Variants in LTBP3 observed in about 807,000 individuals in gnomAD.
LTBP3 encodes the protein latent-transforming growth factor beta-binding protein 3.
Under a neutral mutation model 159.7 loss-of-function variants are expected in LTBP3, and 97 were observed. That is an observed-to-expected ratio of 0.61 (90% CI 0.52 to 0.72). The LOEUF (loss-of-function observed/expected upper bound fraction) is 0.72, where lower values mean the gene tolerates loss of function less well. LTBP3 is among the 30% of genes least tolerant of loss of function. The probability of loss-of-function intolerance (pLI) is 0.00; values close to 1 mark genes in which losing one functional copy is unlikely to be tolerated. For synonymous variants in LTBP3, 824 were observed against 777.1 expected, an observed-to-expected ratio of 1.06 and a Z score of -1.00; for missense variants, 1,584 against 1,864.3, an observed-to-expected ratio of 0.85 and a Z score of 2.77.
At position 65,538,960 on chromosome 11, in the gene LTBP3, G is replaced by A; in HGVS notation, c.*120C>T. 1 of 1,314,714 alleles carries A rather than the reference G, an allele frequency of 7.6e-7. No individual in the cohort carries two copies. The highest frequency in any genetic ancestry group is 9.7e-7 in the Non-Finnish European group (1 of 1,033,110). 81.4% of individuals were successfully genotyped at this position (1,314,714 alleles called of 1,614,324 possible). A position where few individuals can be genotyped will look rare whatever the true frequency, so the allele number is the denominator to read the frequency against. On this transcript the variant is annotated 3_prime_UTR_variant, in exon 28 of 28. Transcript: ENST00000301873. Reference sequence around the variant, plus strand: ...CGCCTCGGGTCTCAAGGCGCCGGGAGGGTCTGCGGGCCCTGAAGGTCCCTG... The same window carrying A: ...CGCCTCGGGTCTCAAGGCGCCGGGAAGGTCTGCGGGCCCTGAAGGTCCCTG...
At chr11:65,555,071 C>T (rs973657429) in intron 1 of LTBP3, among the ~76,000 whole-genome samples, 7 of 151,812 alleles carry the variant, frequency 4.6e-5, no homozygotes, top group African/African-American at 1.2e-4. Context: ...TGAGCCCCGA[C>T]GGCTCCGTCC....
At chr11:65,550,613 C>CA (rs1230243804) in intron 11 of LTBP3, among the ~76,000 whole-genome samples, 2 of 151,344 alleles carry the variant, frequency 1.3e-5, no homozygotes, top group East Asian at 3.9e-4. Flanking sequence ...ATCACGAGGT[C>CA]AAGAGATCGA....
intron 16 of LTBP3, chr11:65,545,066 C>T (rs1856308311): frequency 6.0e-6 from 1 of 166,046 alleles, no homozygotes; most frequent in South Asian, 2.0e-4. Flanking sequence ...GGGGGCAGAC[C>T]CCTAAGTCTT....
At position 65,547,367 on chromosome 11, in the gene LTBP3, G is replaced by C; in HGVS notation, c.2107+72C>G. On this transcript the variant is annotated intron_variant, in intron 14 of 27. Coordinates refer to ENST00000301873, the MANE Select transcript of LTBP3 (RefSeq NM_001130144.3). The surrounding 1 kb of genome is among the most constrained non-coding windows in gnomAD (Gnocchi z 4.6). ...TCGGGGGAAAAAAAAAAAAATGCAG[G>C]CACCCCAGCCCCACCCCAGGTGGAG... 6.5e-7 allele frequency: 1 copy of C among 1,531,102 alleles called. No homozygotes were observed. Among genetic ancestry groups the C allele is most frequent in the Non-Finnish European group, 8.8e-7 (1 of 1,134,668 alleles). 94.8% of individuals were successfully genotyped at this position (1,531,102 alleles called of 1,614,324 possible).
intron 23 of LTBP3, 41 bp downstream of exon 23, chr11:65,540,204 C>T (rs1295106520): frequency 6.5e-7 from 1 of 1,544,716 alleles, no homozygotes; most frequent in Non-Finnish European, 8.7e-7. Context: ...GGCCCGGGCC[C>T]CGCCCCTCCC....
At chr11:65,543,747 T>C in intron 16 of LTBP3, 198 bp from the exon 17 acceptor site, 1 of 655,376 alleles carries the variant, frequency 1.5e-6, no homozygotes, top group South Asian at 1.8e-5. Context: ...CTAGGCCAGG[T>C]CTGATGCTAA....
chr11:65,541,066 A>G, intron 20 of LTBP3, 60 bp downstream of exon 20: 2 of 1,589,942 alleles, frequency 1.3e-6, no homozygotes, highest in Middle Eastern at 1.7e-4. Context: ...GCCATTTCCC[A>G]CATTTGGCTT....
chr11:65,539,927 C>A (rs1358162636), intron 24 of LTBP3, 46 bp from the exon 25 acceptor site: 1 of 1,475,086 alleles, frequency 6.8e-7, no homozygotes, highest in South Asian at 1.3e-5. Flanking sequence ...AGGCAGGAAC[C>A]GCCCGCCTCC....
In LTBP3 at chr11:65,557,999, G is replaced by A. The variant is rs1040778885; in HGVS notation, c.-40C>T. ...CCCGGGGGAGGGGGGGCGCGCCCGG[G>A]CGGGGCGAGGGGCCCGCGCCCGAAG... On this transcript the variant is annotated 5_prime_UTR_variant, in exon 1 of 28. Transcript: ENST00000301873. 6.3e-6 allele frequency: 7 copies of A among 1,110,082 alleles called. No homozygotes were observed. The highest frequency in any genetic ancestry group is 7.7e-6 in the Non-Finnish European group (7 of 910,618). 68.8% of individuals were successfully genotyped at this position (1,110,082 alleles called of 1,614,324 possible). A position where few individuals can be genotyped will look rare whatever the true frequency, so the allele number is the denominator to read the frequency against.
chr11:65,553,282 G>T lies in LTBP3; in HGVS notation c.971-26C>A. The T allele has an allele frequency of 6.3e-7, 1 of 1,599,774 alleles. No homozygotes were observed. Among genetic ancestry groups the T allele is most frequent in the Non-Finnish European group, 8.6e-7 (1 of 1,167,178 alleles). ...CTGCAGAGAGAGGATAGCTTGGCAG[G>T]GGAGGGTGAGGAGGGAACTGGGGAG... is the stretch of plus-strand genomic sequence containing the variant. On this transcript the variant is annotated intron_variant, in intron 4 of 27. Coordinates refer to ENST00000301873, the MANE Select transcript of LTBP3 (RefSeq NM_001130144.3). The surrounding 1 kb of genome is among the most constrained non-coding windows in gnomAD (Gnocchi z 6.5).
At chr11:65,540,223 C>T (rs946075770) in intron 23 of LTBP3, 22 bp downstream of exon 23, 1 of 1,548,110 alleles carries the variant, frequency 6.5e-7, no homozygotes, top group South Asian at 1.2e-5. Flanking sequence ...CCGCGTACCC[C>T]ACTCCCCGGC....
chr11:65,541,049 A>C, intron 20 of LTBP3, 77 bp downstream of exon 20: 1 of 1,584,366 alleles, frequency 6.3e-7, no homozygotes, highest in Non-Finnish European at 8.6e-7. Context: ...CCCAACTGCC[A>C]GGGGGCGCCA....
In LTBP3 at chr11:65,546,334, G is replaced by A; in HGVS notation, c.2353+108C>T. 1 of 1,312,846 alleles carries A rather than the reference G, an allele frequency of 7.6e-7. No individual in the cohort carries two copies. Among genetic ancestry groups the A allele is most frequent in the South Asian group, 1.6e-5 (1 of 64,370 alleles). 81.3% of individuals were successfully genotyped at this position (1,312,846 alleles called of 1,614,324 possible). On this transcript the variant is annotated intron_variant, in intron 16 of 27. Coordinates refer to ENST00000301873, the MANE Select transcript of LTBP3 (RefSeq NM_001130144.3). This position sits in a 1 kb window ranked among gnomAD's most constrained non-coding sequence, Gnocchi z 4.0. ...AAAATGAGTGAGCAGAGTCACCTGGGGATGAATGAGCCACCTTCCACCCAC... is the reference window on the plus strand; with the variant it reads ...AAAATGAGTGAGCAGAGTCACCTGGAGATGAATGAGCCACCTTCCACCCAC...
At chr11:65,556,771 AG>A (rs1241766679) in intron 1 of LTBP3, among the ~76,000 whole-genome samples, 1 of 152,122 alleles carries the variant, frequency 6.6e-6, no homozygotes, top group Non-Finnish European at 1.5e-5. Context: ...AATGTGTAAG[AG>A]GGGCTGTTTT....
chr11:65,555,364 C>T (rs1312464409), intron 1 of LTBP3, among the ~76,000 whole-genome samples: 3 of 152,172 alleles, frequency 2.0e-5, no homozygotes, highest in Non-Finnish European at 2.9e-5. Context: ...GTGCCTGCCT[C>T]CTGCCTCCTG....
chr11:65,548,429 A>G (rs1432707825), intron 11 of LTBP3: 2 of 459,428 alleles, frequency 4.4e-6, no homozygotes, highest in Non-Finnish European at 8.0e-6. Context: ...CTTAAACTCT[A>G]TAGCCTCGGT....
rs1227963680 is a variant in LTBP3 at position 65,538,996 on chromosome 11, A to G, written c.*84T>C. On this transcript the variant is annotated 3_prime_UTR_variant, in exon 28 of 28. Coordinates refer to ENST00000301873, the MANE Select transcript of LTBP3 (RefSeq NM_001130144.3). ...CCCTGAAGGTCCCTGGGTCCGAGCC[A>G]CAAGTCGGGGCAGAAGTGAGGCCGA... 3.0e-6 allele frequency: 4 copies of G among 1,315,840 alleles called. No individual in the cohort carries two copies. The highest frequency in any genetic ancestry group is 1.6e-5 in the African/African-American group (1 of 63,960). 81.5% of individuals were successfully genotyped at this position (1,315,840 alleles called of 1,614,324 possible).
Position 65,553,261 on chromosome 11 carries a change from A to G in LTBP3, c.971-5T>C. Reference sequence around the variant, plus strand: ...CTGGCTTCTGCACTCCTGTGTCTGCAGAGAGAGGATAGCTTGGCAGGGGAG... The same window carrying G: ...CTGGCTTCTGCACTCCTGTGTCTGCGGAGAGAGGATAGCTTGGCAGGGGAG... On this transcript the variant is annotated splice_region_variant and splice_polypyrimidine_tract_variant and intron_variant, in intron 4 of 27. Transcript: ENST00000301873. This position sits in a 1 kb window ranked among gnomAD's most constrained non-coding sequence, Gnocchi z 6.5. 6.2e-7 allele frequency: 1 copy of G among 1,612,694 alleles called. No homozygotes were observed. The highest frequency in any genetic ancestry group is 1.1e-5 in the South Asian group (1 of 91,050).
rs1311325907 is a variant in LTBP3 at position 65,547,833 on chromosome 11, G to A, written c.1847-12C>T. Reference sequence around the variant, plus strand: ...GCACTCGTTCACATCTGAGAAGAACGGGTAGGCCAAGAAAAGTCAAAGGAA... The same window carrying A: ...GCACTCGTTCACATCTGAGAAGAACAGGTAGGCCAAGAAAAGTCAAAGGAA... On this transcript the variant is annotated splice_polypyrimidine_tract_variant and intron_variant, in intron 12 of 27. Transcript: ENST00000301873. This position sits in a 1 kb window ranked among gnomAD's most constrained non-coding sequence, Gnocchi z 4.6. 21 of 1,613,154 alleles carry A rather than the reference G, an allele frequency of 1.3e-5. No homozygotes were observed. The highest frequency in any genetic ancestry group is 1.7e-5 in the Non-Finnish European group (20 of 1,179,934).
Sources: gnomAD v4.1 joint callset for allele counts (sites outside exome capture counted in the v4.1 genomes callset) on GRCh38, gnomAD v4.1.1 for gene constraint, Gnocchi (gnomAD v3.1) non-coding constraint, MANE v1.5 for transcripts, NCBI Gene and HGNC (gene_info 2026-07-23, HGNC 2026-07-21) for gene names.